WDR5: variants seen among roughly 807,000 people sequenced by gnomAD.
WDR5 encodes the protein WD repeat-containing protein 5.
For synonymous variants in WDR5, 144 were observed against 161.6 expected (o/e 0.89, Z 0.83); for missense variants, 187 against 416.9 (o/e 0.45, Z 4.80).
At chr9:134,137,694 A>G (rs868246968) in intron 1 of WDR5, among the ~76,000 whole-genome samples, 6 of 150,874 alleles carry the variant, frequency 4.0e-5, no homozygotes, top group Non-Finnish European at 8.9e-5. Context: ...CAAAAAAAAA[A>G]CACGCCAAGC....
chr9:134,144,306 A>T (rs1832057511), intron 7 of WDR5, among the ~76,000 whole-genome samples: 1 of 152,342 alleles, frequency 6.6e-6, no homozygotes, highest in East Asian at 1.9e-4. Context: ...CCTTGGTGCC[A>T]GTCCGCTGCC....
At chr9:134,145,161 C>T (rs976054150) in intron 7 of WDR5, among the ~76,000 whole-genome samples, 7 of 132,172 alleles carry the variant, frequency 5.3e-5, no homozygotes, top group Admixed American at 9.7e-5. Context: ...TGCGGTGGTG[C>T]GATCTTGGCC....
chr9:134,156,671 C>T lies in WDR5; in HGVS notation c.904+78C>T, dbSNP rs1039230255. 6.8e-6 allele frequency: 10 copies of T among 1,463,330 alleles called. No individual in the cohort carries two copies. The East Asian group carries it at 6.9e-5, about 10-fold the overall frequency. 90.6% of individuals were successfully genotyped at this position (1,463,330 alleles called of 1,614,324 possible). On this transcript the variant is annotated intron_variant, in intron 13 of 13. Transcript: ENST00000358625. The stretch of plus-strand genomic sequence containing the variant: ...TCCTGCAGGTGAAGCGTGGTGTGCC[C>T]GTAGGGTGCCGTCGTCTTCCCCTTC...
intron 1 of WDR5, among the ~76,000 whole-genome samples, chr9:134,138,222 C>T (rs1055816018): frequency 2.0e-5 from 3 of 152,188 alleles, no homozygotes; most frequent in Non-Finnish European, 2.9e-5. Flanking sequence ...TAGACTCACC[C>T]AGGTGAGTTG....
At chr9:134,137,539 C>T (rs1181330812) in intron 1 of WDR5, among the ~76,000 whole-genome samples, 4 of 151,980 alleles carry the variant, frequency 2.6e-5, no homozygotes, top group Non-Finnish European at 4.4e-5. Flanking sequence ...AAAAGATTGG[C>T]CGGGCGTAGT....
intron 1 of WDR5, among the ~76,000 whole-genome samples, chr9:134,137,678 C>CA (rs1462059947): frequency 9.2e-5 from 13 of 140,676 alleles, no homozygotes; most frequent in Admixed American, 2.2e-4. Context: ...AAAAAAAAAA[C>CA]AAAAACAAAA....
At chr9:134,148,210 T>TTTG (rs1832309627) in intron 7 of WDR5, 78 bp from the exon 8 acceptor site, 1 of 361,046 alleles carries the variant, frequency 2.8e-6, no homozygotes, top group Non-Finnish European at 4.8e-6. Context: ...TTTTTTTTTT[T>TTTG]TGAGATCAGG....
intron 7 of WDR5, among the ~76,000 whole-genome samples, chr9:134,144,564 G>A (rs1832071222): frequency 6.6e-6 from 1 of 152,246 alleles, no homozygotes; most frequent in African/African-American, 2.4e-5. Context: ...AACAGGTTGG[G>A]TGCCATGTCT....
rs975311022 is a variant in WDR5 at position 134,157,475 on chromosome 9, C to T, written c.905-418C>T. On this transcript the variant is annotated intron_variant, in intron 13 of 13. Coordinates refer to ENST00000358625, the MANE Select transcript of WDR5 (RefSeq NM_017588.3). The surrounding 1 kb of genome is among the most constrained non-coding windows in gnomAD (Gnocchi z 5.0). ...CGGTGGGAGTGGGCGGCTCAGGGTC[C>T]GAGGAGAAGAGGGACATTGTCGATA... 3.3e-5 allele frequency among the ~76,000 whole-genome samples: 5 copies of T among 152,030 alleles called. No individual in the cohort carries two copies. Among genetic ancestry groups the T allele is most frequent in the Non-Finnish European group, 7.4e-5 (5 of 67,998 alleles).
Position 134,142,436 on chromosome 9 carries a change from G to A in WDR5, c.444+14G>A. The A allele has an allele frequency of 6.2e-7, 1 of 1,613,808 alleles. No individual in the cohort carries two copies. The highest frequency in any genetic ancestry group is 2.2e-5 in the East Asian group (1 of 44,880). On this transcript the variant is annotated intron_variant, in intron 6 of 13. Coordinates refer to ENST00000358625, the MANE Select transcript of WDR5 (RefSeq NM_017588.3). ...GTCTCAGGATCCGTAAGTGTGGCTG[G>A]GGTGTCTTCCCTGGGGGAGGTGGTG...
intron 1 of WDR5, among the ~76,000 whole-genome samples, chr9:134,138,368 T>C (rs990457018): frequency 2.6e-5 from 4 of 152,242 alleles, no homozygotes; most frequent in African/African-American, 9.6e-5. Flanking sequence ...AGGACTGTTA[T>C]AGTGGACTTT....
intron 8 of WDR5, among the ~76,000 whole-genome samples, chr9:134,149,048 G>A (rs1021586261): frequency 2.0e-5 from 3 of 152,150 alleles, no homozygotes; most frequent in African/African-American, 7.2e-5. Context: ...GCAGCCACTG[G>A]CAGAATTGAA....
At chr9:134,150,367 C>T (rs1160993997) in intron 8 of WDR5, among the ~76,000 whole-genome samples, 2 of 152,166 alleles carry the variant, frequency 1.3e-5, no homozygotes, top group Non-Finnish European at 2.9e-5. Context: ...TAGTAGGGGT[C>T]AAAAAGGCGC....
intron 7 of WDR5, among the ~76,000 whole-genome samples, chr9:134,147,483 A>G (rs754382027): frequency 1.4e-4 from 22 of 152,162 alleles, no homozygotes; most frequent in Non-Finnish European, 2.6e-4. Context: ...TGAGCAAAGG[A>G]CAAGGTTGCC....
At chr9:134,137,229 G>T (rs1244286459) in intron 1 of WDR5, among the ~76,000 whole-genome samples, 1 of 152,166 alleles carries the variant, frequency 6.6e-6, no homozygotes, top group East Asian at 1.9e-4. Context: ...TGGATGAAAA[G>T]CAGTGGCTGC....
At chr9:134,142,548 G>T in intron 6 of WDR5, 88 bp from the exon 7 acceptor site, 1 of 1,558,380 alleles carries the variant, frequency 6.4e-7, no homozygotes, top group Non-Finnish European at 8.8e-7. Flanking sequence ...TGTTTGTGGG[G>T]AGGATGGGCT....
intron 3 of WDR5, 151 bp downstream of exon 3, chr9:134,140,962 G>A: frequency 1.4e-6 from 1 of 729,982 alleles, no homozygotes; most frequent in Non-Finnish European, 2.4e-6. Flanking sequence ...GTCTCCTCCT[G>A]GAACTGTGAG....
chr9:134,151,680 G>A (rs1832494414), intron 8 of WDR5, among the ~76,000 whole-genome samples: 1 of 152,160 alleles, frequency 6.6e-6, no homozygotes, highest in Non-Finnish European at 1.5e-5. Flanking sequence ...AGGGAGAGTG[G>A]AGAGAGCAAC....
chr9:134,136,541 C>G (rs1013875592), intron 1 of WDR5, among the ~76,000 whole-genome samples: 6 of 152,182 alleles, frequency 3.9e-5, no homozygotes, highest in Non-Finnish European at 7.4e-5. Flanking sequence ...CTCCACTGCC[C>G]CTTCAGGGAA....
Sources: gnomAD v4.1 joint callset for allele counts (sites outside exome capture counted in the v4.1 genomes callset) on GRCh38, gnomAD v4.1.1 for gene constraint, Gnocchi (gnomAD v3.1) non-coding constraint, MANE v1.5 for transcripts, NCBI Gene and HGNC (gene_info 2026-07-23, HGNC 2026-07-21) for gene names.